The following CHRM3 variants were observed in gnomAD, a reference collection of about 807,000 sequenced individuals.
CHRM3 encodes muscarinic acetylcholine receptor M3.
In CHRM3, 11 loss-of-function variants were observed where a neutral mutation model predicts 41.8. The ratio of observed to expected loss-of-function variants is 0.26; its 90% CI spans 0.17 to 0.44. The LOEUF is 0.44. CHRM3 is among the 20% of genes least tolerant of loss of function. CHRM3 has a pLI of 1.00. For missense variants in CHRM3, 571 were observed against 745.4 expected (o/e 0.77, Z 2.72); for synonymous variants, 297 against 301.4 (o/e 0.99, Z 0.15).
chr1:239,780,178 T>C (rs1286733359), intron 5 of CHRM3, among the ~76,000 whole-genome samples: 1 of 152,348 alleles, frequency 6.6e-6, no homozygotes, highest in Non-Finnish European at 1.5e-5. Flanking sequence ...ATAGTTAGAA[T>C]ATGTTTAGTT....
intron 1 of CHRM3, among the ~76,000 whole-genome samples, chr1:239,408,536 A>C (rs930158775): frequency 1.3e-5 from 2 of 148,284 alleles, no homozygotes; most frequent in African/African-American, 2.5e-5. Flanking sequence ...AAAAAAAAAA[A>C]AAAAAAAACT....
chr1:239,538,703 C>A (rs1257226049), intron 2 of CHRM3, among the ~76,000 whole-genome samples: 4 of 152,184 alleles, frequency 2.6e-5, no homozygotes, highest in Non-Finnish European at 5.9e-5. Context: ...TACAACTGGT[C>A]TTTAAAGTTT....
intron 3 of CHRM3, among the ~76,000 whole-genome samples, chr1:239,568,116 G>T (rs543218240): frequency 6.6e-6 from 1 of 152,188 alleles, no homozygotes; most frequent in African/African-American, 2.4e-5. Context: ...GGACAGCCAG[G>T]TTCAGTTTCA....
chr1:239,554,301 A>G (rs1213139506), intron 3 of CHRM3, among the ~76,000 whole-genome samples: 2 of 152,160 alleles, frequency 1.3e-5, no homozygotes, highest in South Asian at 2.1e-4. Context: ...CGAGTATTCT[A>G]TTTATTCATT....
chr1:239,680,437 A>G (rs1278968486), intron 5 of CHRM3, among the ~76,000 whole-genome samples: 1 of 152,068 alleles, frequency 6.6e-6, no homozygotes, highest in Non-Finnish European at 1.5e-5. Context: ...AGTGACCCAT[A>G]GTGATCCTTA....
chr1:239,451,735 A>G (rs2103324991), intron 1 of CHRM3, among the ~76,000 whole-genome samples: 1 of 152,346 alleles, frequency 6.6e-6, no homozygotes, highest in Admixed American at 6.5e-5. Context: ...GAAATTTATA[A>G]ACACATTTTA....
intron 3 of CHRM3, among the ~76,000 whole-genome samples, chr1:239,618,808 C>A (rs1270183470): frequency 7.2e-6 from 1 of 139,124 alleles, no homozygotes; most frequent in Non-Finnish European, 1.5e-5. Context: ...CGCGCCCCTG[C>A]ACTCCAGCCT....
chr1:239,858,369 G>T (rs887793179), intron 6 of CHRM3, among the ~76,000 whole-genome samples: 4 of 152,080 alleles, frequency 2.6e-5, no homozygotes, highest in African/African-American at 9.7e-5. Context: ...AAGAACAGCA[G>T]AAAAGAATAA....
At chr1:239,611,057 A>G (rs1392050689) in intron 3 of CHRM3, among the ~76,000 whole-genome samples, 1 of 152,080 alleles carries the variant, frequency 6.6e-6, no homozygotes, top group African/African-American at 2.4e-5. Flanking sequence ...CTCAAAAATA[A>G]TAATAAAAAA....
intron 6 of CHRM3, among the ~76,000 whole-genome samples, chr1:239,838,314 G>A (rs1673497586): frequency 6.6e-6 from 1 of 152,124 alleles, no homozygotes; most frequent in Non-Finnish European, 1.5e-5. Flanking sequence ...TCTATGGAAG[G>A]TGTTTGGGCA....
intron 2 of CHRM3, among the ~76,000 whole-genome samples, chr1:239,496,154 A>G (rs12033290): frequency 0.22 from 32,696 of 152,032 alleles, 4,264 homozygotes; most frequent in Middle Eastern, 0.37. Context: ...TTGAACATAT[A>G]GATGCAGAAA....
chr1:239,501,820 A>C (rs916662345), intron 2 of CHRM3, among the ~76,000 whole-genome samples: 1 of 152,202 alleles, frequency 6.6e-6, no homozygotes, highest in South Asian at 2.1e-4. Flanking sequence ...GCGCTGCTGC[A>C]CTCCAGCCTG....
chr1:239,594,573 C>T (rs1375845262), intron 3 of CHRM3, among the ~76,000 whole-genome samples: 4 of 152,172 alleles, frequency 2.6e-5, no homozygotes, highest in Non-Finnish European at 5.9e-5. Context: ...TCTTCACCAT[C>T]TCAAACTTTT....
At chr1:239,808,064 G>T (rs1670804276) in intron 5 of CHRM3, among the ~76,000 whole-genome samples, 1 of 151,950 alleles carries the variant, frequency 6.6e-6, no homozygotes, top group Non-Finnish European at 1.5e-5. Context: ...TTCTTTATCG[G>T]TAATCGTCTG....
chr1:239,784,385 T>C (rs966499200), intron 5 of CHRM3, among the ~76,000 whole-genome samples: 3 of 152,222 alleles, frequency 2.0e-5, no homozygotes, highest in Non-Finnish European at 1.5e-5. Context: ...TCTCCTTTCT[T>C]AGTATATCAG....
At chr1:239,804,481 G>A (rs771938075) in intron 5 of CHRM3, among the ~76,000 whole-genome samples, 6 of 152,074 alleles carry the variant, frequency 3.9e-5, no homozygotes, top group Admixed American at 3.3e-4. Flanking sequence ...CATTGTTTCC[G>A]CTCTGTGTAG....
At chr1:239,701,389 G>A (rs772372123) in intron 5 of CHRM3, among the ~76,000 whole-genome samples, 30 of 152,152 alleles carry the variant, frequency 2.0e-4, no homozygotes, top group Admixed American at 7.2e-4. Flanking sequence ...AAACCTTTCC[G>A]TTTCCCACTG....
chr1:239,828,822 C>A (rs1672671487), intron 6 of CHRM3, among the ~76,000 whole-genome samples: 1 of 152,166 alleles, frequency 6.6e-6, no homozygotes, highest in East Asian at 1.9e-4. Flanking sequence ...TTGGAAGTGT[C>A]ACTCTGCCTG....
At chr1:239,890,135 C>A (rs1309030099) in intron 6 of CHRM3, among the ~76,000 whole-genome samples, 1 of 151,984 alleles carries the variant, frequency 6.6e-6, no homozygotes, top group Non-Finnish European at 1.5e-5. Flanking sequence ...AACCCCGTCT[C>A]TACCAAAAGT....
Sources: allele counts gnomAD v4.1 joint callset (sites outside exome capture counted in the v4.1 genomes callset), GRCh38; gene constraint gnomAD v4.1.1; transcripts MANE v1.5; gene names NCBI Gene and HGNC (gene_info 2026-07-23, HGNC 2026-07-21).